Variants in ESR2 observed in about 807,000 individuals in gnomAD.
ESR2 encodes the protein estrogen receptor beta.
Under a neutral mutation model 49.6 loss-of-function variants are expected in ESR2, and 36 were observed. The observed-to-expected ratio is 0.73, with a 90% CI of 0.56 to 0.96. The LOEUF (loss-of-function observed/expected upper bound fraction) is 0.96, where lower values mean the gene tolerates loss of function less well. Among genes scored for constraint, ESR2 ranks in the 40% least tolerant of loss-of-function variants. The probability of loss-of-function intolerance (pLI) is 0.00; values close to 1 mark genes in which losing one functional copy is unlikely to be tolerated. For missense variants in ESR2, 714 were observed against 693.0 expected, an observed-to-expected ratio of 1.03 and a Z score of -0.34; for synonymous variants, 320 against 266.1, an observed-to-expected ratio of 1.20 and a Z score of -1.97.
intron 1 of ESR2, among the ~76,000 whole-genome samples, chr14:64,299,921 C>T (rs1403852947): frequency 6.6e-6 from 1 of 152,198 alleles, no homozygotes; most frequent in East Asian, 1.9e-4. Context: ...CATTGTTTCT[C>T]TTCCTTTTAC....
At chr14:64,259,568 A>T (rs1187528539) in intron 5 of ESR2, among the ~76,000 whole-genome samples, 2 of 152,200 alleles carry the variant, frequency 1.3e-5, no homozygotes, top group African/African-American at 4.8e-5. Context: ...TTAGCTGGTA[A>T]TTTTAGCATC....
chr14:64,227,824 GT>G, downstream of ESR2: 2 of 1,579,408 alleles, frequency 1.3e-6, no homozygotes, highest in Non-Finnish European at 1.7e-6. Flanking sequence ...GGTAGTCTGG[GT>G]TTTATATCGT....
At chr14:64,227,215 G>T (rs949721130), downstream of ESR2, 8 of 366,494 alleles carry the variant, frequency 2.2e-5, no homozygotes, top group Middle Eastern at 7.5e-4. Flanking sequence ...CAAACCTCAG[G>T]GGAAACCAGT....
intron 1 of ESR2, among the ~76,000 whole-genome samples, chr14:64,310,639 T>G (rs1457613317): frequency 6.6e-6 from 1 of 151,994 alleles, no homozygotes; most frequent in Non-Finnish European, 1.5e-5. Context: ...GCCCAACTAA[T>G]TTTTGTATTT....
At chr14:64,291,172 G>A (rs1426778856) in intron 1 of ESR2, among the ~76,000 whole-genome samples, 1 of 152,222 alleles carries the variant, frequency 6.6e-6, no homozygotes, top group Non-Finnish European at 1.5e-5. Context: ...TAGGCTGAAT[G>A]CACTCAACTC....
chr14:64,260,306 A>G, intron 5 of ESR2, 143 bp downstream of exon 5: 1 of 846,186 alleles, frequency 1.2e-6, no homozygotes, highest in Non-Finnish European at 2.1e-6. Context: ...AACATATTGC[A>G]CTTAAAAGTT....
At chr14:64,278,371 A>T (rs1251681306) in intron 3 of ESR2, among the ~76,000 whole-genome samples, 1 of 152,220 alleles carries the variant, frequency 6.6e-6, no homozygotes, top group African/African-American at 2.4e-5. Context: ...TTCAGGGGAC[A>T]GGTAGGAAGG....
rs892801527 is a variant in ESR2 at position 64,260,350 on chromosome 14, G to A, written c.952+99C>T. ...AGCTGAGGACCTGTTAAATATCTAGGCACAGCTCATGGACCTCTACTTTGT... is the reference window on the plus strand; with the variant it reads ...AGCTGAGGACCTGTTAAATATCTAGACACAGCTCATGGACCTCTACTTTGT... On this transcript the variant is annotated intron_variant, in intron 5 of 8. Coordinates refer to ENST00000341099, the MANE Select transcript of ESR2 (RefSeq NM_001437.3). The A allele has an allele frequency of 6.0e-6, 7 of 1,162,032 alleles. No homozygotes were observed. The Admixed American group carries it at 1.2e-4, about 20-fold the overall frequency. The allele number at this position is 1,162,032 out of a possible 1,614,324, so 72.0% of individuals were successfully genotyped here.
chr14:64,257,031 G>T (rs1489625739), intron 6 of ESR2, among the ~76,000 whole-genome samples, 195 bp downstream of exon 6: 1 of 152,126 alleles, frequency 6.6e-6, no homozygotes, highest in South Asian at 2.1e-4. Context: ...GATTAAAAAT[G>T]AGTCACAGGA....
chr14:64,313,772 G>A (rs910727812), intron 1 of ESR2, among the ~76,000 whole-genome samples: 6 of 151,072 alleles, frequency 4.0e-5, no homozygotes, highest in Admixed American at 1.3e-4. Flanking sequence ...CCAGCTACTC[G>A]GGAGGCTGAG....
chr14:64,290,961 C>G (rs892275580), intron 1 of ESR2, among the ~76,000 whole-genome samples: 1 of 152,162 alleles, frequency 6.6e-6, no homozygotes, highest in East Asian at 1.9e-4. Flanking sequence ...GACCAAGCCT[C>G]GAAGGCAGGG....
upstream of ESR2, chr14:64,298,619 C>T (rs1392531740): frequency 6.6e-6 from 1 of 152,130 alleles, no homozygotes; most frequent in Non-Finnish European, 1.5e-5. Flanking sequence ...GCAAGACAGA[C>T]CCAACCTGAT....
At chr14:64,296,000 C>T (rs1369733072), upstream of ESR2, among the ~76,000 whole-genome samples, 21 of 145,748 alleles carry the variant, frequency 1.4e-4, no homozygotes, top group South Asian at 2.2e-4. Context: ...GCCAAGATCG[C>T]GCCACTGCAT....
At chr14:64,271,763 T>G (rs1013137242) in intron 3 of ESR2, among the ~76,000 whole-genome samples, 5 of 152,248 alleles carry the variant, frequency 3.3e-5, no homozygotes, top group Admixed American at 2.0e-4. Flanking sequence ...GGCCGAATAG[T>G]GGTGTATATG....
chr14:64,255,001 C>T (rs1036722474), intron 6 of ESR2, among the ~76,000 whole-genome samples: 1 of 151,960 alleles, frequency 6.6e-6, no homozygotes, highest in African/African-American at 2.4e-5. Flanking sequence ...AACTTTTCTT[C>T]TATTAACTAA....
rs139503857 is a variant in ESR2, at chr14:64,282,694, G to A, written c.292C>T (p.Leu98=). ...GGACTCTTTTGAGGTTCCGCATACA[G>A]ATGTGATAACTGGCGATGGACCACT... ...PLVVHRQLSH[L]YAEPQKSPWC... is the part of the protein sequence containing the mutation. The change falls in exon 2 of 9, where the codon CTG becomes TTG. Residue 98 remains leucine, a synonymous_variant. Coordinates refer to ENST00000341099, the MANE Select transcript of ESR2 (RefSeq NM_001437.3). 2 of 1,614,016 alleles carry A rather than the reference G, an allele frequency of 1.2e-6. No individual in the cohort carries two copies. Among genetic ancestry groups the A allele is most frequent in the African/African-American group, 1.3e-5 (1 of 74,924 alleles).
intron 1 of ESR2, among the ~76,000 whole-genome samples, chr14:64,304,241 G>A (rs563679804): frequency 3.3e-5 from 5 of 152,298 alleles, no homozygotes; most frequent in African/African-American, 9.6e-5. Context: ...CGGCAGGTTC[G>A]AGGCTGCAGT....
chr14:64,261,774 C>G (rs1461405282), intron 4 of ESR2, among the ~76,000 whole-genome samples: 4 of 152,118 alleles, frequency 2.6e-5, no homozygotes, highest in Non-Finnish European at 5.9e-5. Flanking sequence ...ATTTTTGAGA[C>G]AGAGTCCTGC....
At chr14:64,242,177 A>C (rs2075741610) in intron 7 of ESR2, among the ~76,000 whole-genome samples, 1 of 152,142 alleles carries the variant, frequency 6.6e-6, no homozygotes, top group African/African-American at 2.4e-5. Flanking sequence ...TGGGAGGCCA[A>C]GGCGGGTGGA....
Sources: gnomAD v4.1 joint callset for allele counts (sites outside exome capture counted in the v4.1 genomes callset) on GRCh38, gnomAD v4.1.1 for gene constraint, MANE v1.5 for transcripts, NCBI Gene and HGNC (gene_info 2026-07-23, HGNC 2026-07-21) for gene names.